Variants in SOX6 observed in about 807,000 individuals in gnomAD.
SOX6 encodes the protein SRY-box transcription factor 6, also known as transcription factor SOX-6.
In SOX6, 11 loss-of-function variants were observed where a neutral mutation model predicts 97.8. The ratio of observed to expected loss-of-function variants is 0.11; its 90% CI spans 0.07 to 0.19. SOX6 has a LOEUF of 0.19. Among genes scored for constraint, SOX6 ranks in the 10% least tolerant of loss-of-function variants. The pLI is 1.00. For missense variants in SOX6, 810 were observed against 1,039.5 expected, an observed-to-expected ratio of 0.78 and a Z score of 3.04; for synonymous variants, 360 against 371.4, an observed-to-expected ratio of 0.97 and a Z score of 0.35.
Position 16,611,562 on chromosome 11 carries a change from CAAAT to C in SOX6, n.609+515_609+518del, listed in dbSNP as rs151142742. On this transcript the variant is annotated intron_variant and non_coding_transcript_variant, in intron 4 of 5. Transcript: ENST00000524520. ...CAATTGGTTTCCTTAAACGGGATAA[CAAAT>C]AAACCAACACTTCAGCTGCCCATCG... Among the ~76,000 whole-genome samples the C allele has an allele frequency of 3.3e-3, 505 of 152,310 alleles. 13 individuals are homozygous for C. In the East Asian group the frequency reaches 0.05, roughly 15 times the overall value.
intron 1 of SOX6, among the ~76,000 whole-genome samples, chr11:16,456,140 C>T (rs774878370): frequency 6.6e-6 from 1 of 152,068 alleles, no homozygotes; most frequent in Non-Finnish European, 1.5e-5. Context: ...AGGAGATTAA[C>T]ATTTTTTTAT....
At chr11:16,206,435 T>C (rs1852074310) in intron 4 of SOX6, among the ~76,000 whole-genome samples, 1 of 152,196 alleles carries the variant, frequency 6.6e-6, no homozygotes, top group South Asian at 2.1e-4. Context: ...TTGCATATTG[T>C]AATAATAATC....
intron 4 of SOX6, among the ~76,000 whole-genome samples, chr11:16,578,793 A>T (rs1027787639): frequency 6.6e-6 from 1 of 152,206 alleles, no homozygotes; most frequent in Non-Finnish European, 1.5e-5. Flanking sequence ...TGAATAAAAC[A>T]CAATGAGAGA....
chr11:16,686,145 T>A (rs1847967569), intron 3 of SOX6, among the ~76,000 whole-genome samples: 1 of 152,220 alleles, frequency 6.6e-6, no homozygotes, highest in African/African-American at 2.4e-5. Context: ...GCCACAAAGG[T>A]CTCTGAAATG....
chr11:16,281,922 A>G lies in SOX6; in HGVS notation c.445+36524T>C, dbSNP rs562180429. ...ACGTTAACATAAAAGCAAGTTACAT[A>G]ATATTAGACAAGTTATATACACAAG... is the stretch of plus-strand genomic sequence containing the variant. On this transcript the variant is annotated intron_variant, in intron 3 of 15. Coordinates refer to ENST00000683767, the MANE Select transcript of SOX6 (RefSeq NM_001367873.1). Among the ~76,000 whole-genome samples, 7 of 150,708 alleles carry G rather than the reference A, an allele frequency of 4.6e-5. No homozygotes were observed. In the South Asian group the frequency reaches 1.5e-3, roughly 32 times the overall value.
chr11:16,375,513 A>G (rs972024321), intron 1 of SOX6, among the ~76,000 whole-genome samples: 6 of 152,100 alleles, frequency 3.9e-5, no homozygotes, highest in African/African-American at 1.4e-4. Context: ...GAAAAAAAAA[A>G]AAGAGAAGAA....
chr11:16,236,364 A>G (rs1853022140), intron 3 of SOX6, among the ~76,000 whole-genome samples: 1 of 152,086 alleles, frequency 6.6e-6, no homozygotes, highest in African/African-American at 2.4e-5. Flanking sequence ...CTAAGTTAAG[A>G]GTTAGGAAGC....
chr11:16,501,719 C>A (rs1001584035), intron 4 of SOX6, among the ~76,000 whole-genome samples: 3 of 152,198 alleles, frequency 2.0e-5, no homozygotes, highest in South Asian at 2.1e-4. Context: ...AAATGCTCAT[C>A]ATCACTGGCC....
intron 4 of SOX6, among the ~76,000 whole-genome samples, chr11:16,225,188 T>C (rs187637519): frequency 3.3e-5 from 5 of 152,170 alleles, no homozygotes. Context: ...TGATAGTTAC[T>C]GTTTTGATAC....
chr11:16,121,814 G>T (rs1434756617), intron 6 of SOX6, among the ~76,000 whole-genome samples: 2 of 151,810 alleles, frequency 1.3e-5, no homozygotes, highest in Non-Finnish European at 2.9e-5. Flanking sequence ...AGAATATCCT[G>T]GCCATAAAGA....
At position 15,974,025 on chromosome 11, in the gene SOX6, A is replaced by G. The variant is rs1853390596; in HGVS notation, c.2184-913T>C. 3.3e-5 allele frequency among the ~76,000 whole-genome samples: 5 copies of G among 152,230 alleles called. No individual in the cohort carries two copies. The South Asian group carries it at 1.0e-3, about 32-fold the overall frequency. On this transcript the variant is annotated intron_variant, in intron 15 of 15. Transcript: ENST00000683767. The stretch of plus-strand genomic sequence containing the variant: ...AATGAAACATCTACCTAACTCAGAG[A>G]CTATGGCGAAAATATTATTTTCATA...
At chr11:16,603,251 GT>G (rs1343659748) in intron 4 of SOX6, among the ~76,000 whole-genome samples, 1 of 152,208 alleles carries the variant, frequency 6.6e-6, no homozygotes, top group East Asian at 1.9e-4. Flanking sequence ...GGAAAGTCAT[GT>G]TCATGGCTGC....
chr11:16,025,744 A>G (rs4254041), intron 12 of SOX6, among the ~76,000 whole-genome samples: 8,305 of 152,180 alleles, frequency 0.055, 607 homozygotes, highest in East Asian at 0.37. Context: ...TTTCCCTCAG[A>G]AACATAAACA....
At chr11:16,254,736 T>C (rs969794759) in intron 3 of SOX6, among the ~76,000 whole-genome samples, 4 of 151,330 alleles carry the variant, frequency 2.6e-5, no homozygotes, top group Admixed American at 2.6e-4. Flanking sequence ...CAAGGACAAA[T>C]AGAAAACAGT....
chr11:16,483,721 G>A (rs983777764), intron 4 of SOX6, among the ~76,000 whole-genome samples: 5 of 152,176 alleles, frequency 3.3e-5, no homozygotes, highest in African/African-American at 1.2e-4. Context: ...GGGACAAGCA[G>A]GCAACCACAG....
chr11:16,206,956 A>G (rs1852087970), intron 4 of SOX6, among the ~76,000 whole-genome samples: 1 of 152,168 alleles, frequency 6.6e-6, no homozygotes, highest in South Asian at 2.1e-4. Context: ...AACATGATAT[A>G]CATAGCACTT....
chr11:16,394,680 T>C (rs1032843164), intron 1 of SOX6, among the ~76,000 whole-genome samples: 13 of 151,958 alleles, frequency 8.6e-5, no homozygotes, highest in Admixed American at 6.6e-5. Context: ...TATTGTTATC[T>C]ACCTTAAAAC....
At chr11:16,125,982 A>G (rs1849602140) in intron 6 of SOX6, among the ~76,000 whole-genome samples, 1 of 152,156 alleles carries the variant, frequency 6.6e-6, no homozygotes, top group East Asian at 1.9e-4. Flanking sequence ...AAATTAGGAT[A>G]CAAGGAAAGA....
intron 9 of SOX6, among the ~76,000 whole-genome samples, chr11:16,071,440 C>T (rs1848222768): frequency 6.6e-6 from 1 of 152,184 alleles, no homozygotes; most frequent in Admixed American, 6.5e-5. Flanking sequence ...TCTACTCAAC[C>T]CCACCTCTTG....
Sources: gnomAD v4.1 joint callset for allele counts (sites outside exome capture counted in the v4.1 genomes callset) on GRCh38, gnomAD v4.1.1 for gene constraint, MANE v1.5 for transcripts, NCBI Gene and HGNC (gene_info 2026-07-23, HGNC 2026-07-21) for gene names.